Variants in LRBA observed in about 807,000 individuals in gnomAD.
LRBA encodes the protein lipopolysaccharide-responsive and beige-like anchor protein.
Under a neutral mutation model 330.0 loss-of-function variants are expected in LRBA, and 176 were observed. The ratio of observed to expected loss-of-function variants is 0.53; its 90% CI spans 0.47 to 0.60. The LOEUF is 0.60. Among genes scored for constraint, LRBA ranks in the 20% least tolerant of loss-of-function variants. The probability of loss-of-function intolerance (pLI) is 0.00; values close to 1 mark genes in which losing one functional copy is unlikely to be tolerated. For missense variants in LRBA, 3,259 were observed against 3,444.8 expected, an observed-to-expected ratio of 0.95 and a Z score of 1.35; for synonymous variants, 1,230 against 1,193.0, an observed-to-expected ratio of 1.03 and a Z score of -0.64.
intron 40 of LRBA, chr4:150,580,763 G>T (rs1274071885): frequency 6.6e-6 from 1 of 151,986 alleles, no homozygotes; most frequent in Non-Finnish European, 1.5e-5. Context: ...AGTATGGAAA[G>T]GCTACAGTGG....
intron 47 of LRBA, among the ~76,000 whole-genome samples, chr4:150,395,122 C>T (rs762639996): frequency 9.2e-5 from 14 of 152,006 alleles, no homozygotes; most frequent in Non-Finnish European, 2.1e-4. Context: ...CAATTATATG[C>T]TAATATTATC....
intron 17 of LRBA, among the ~76,000 whole-genome samples, chr4:150,890,750 T>A (rs72719674): frequency 1.1e-3 from 167 of 152,296 alleles, no homozygotes; most frequent in Non-Finnish European, 1.7e-3. Flanking sequence ...ACAAGGACAA[T>A]GAAGTTATTC....
chr4:150,469,367 T>C (rs1755826296), intron 43 of LRBA, among the ~76,000 whole-genome samples: 1 of 152,154 alleles, frequency 6.6e-6, no homozygotes, highest in African/African-American at 2.4e-5. Context: ...ATAGATTCTA[T>C]ATTTATAAAA....
intron 40 of LRBA, among the ~76,000 whole-genome samples, chr4:150,573,444 T>C (rs1357982275): frequency 1.3e-5 from 2 of 152,128 alleles, no homozygotes; most frequent in Non-Finnish European, 2.9e-5. Flanking sequence ...ATTGCACTAA[T>C]TAGGGACTTT....
At chr4:150,279,824 G>A (rs1444688865) in intron 55 of LRBA, among the ~76,000 whole-genome samples, 1 of 152,126 alleles carries the variant, frequency 6.6e-6, no homozygotes, top group Non-Finnish European at 1.5e-5. Flanking sequence ...CAATCTCTAG[G>A]GGTGTCTGGG....
Position 150,806,407 on chromosome 4 carries a change from A to G in LRBA, c.5385-3T>C. On this transcript the variant is annotated splice_polypyrimidine_tract_variant and splice_region_variant and intron_variant, in intron 32 of 56. Coordinates refer to ENST00000651943, the MANE Select transcript of LRBA (RefSeq NM_001364905.1). ...CGTGTTCAAGCCTCTCTGTAATACTAAGGAAAAGACATTAAGTTACTTGAA... is the reference window on the plus strand; with the variant it reads ...CGTGTTCAAGCCTCTCTGTAATACTGAGGAAAAGACATTAAGTTACTTGAA... 1.9e-6 allele frequency: 3 copies of G among 1,582,998 alleles called. No homozygotes were observed. The highest frequency in any genetic ancestry group is 2.6e-6 in the Non-Finnish European group (3 of 1,168,156).
intron 9 of LRBA, among the ~76,000 whole-genome samples, chr4:150,910,668 C>T (rs1252190584): frequency 1.3e-5 from 2 of 152,094 alleles, no homozygotes; most frequent in African/African-American, 2.4e-5. Context: ...TGAGATTCCA[C>T]ATTAATTTTA....
chr4:150,498,457 T>C (rs1034261760), intron 40 of LRBA, among the ~76,000 whole-genome samples: 1 of 152,196 alleles, frequency 6.6e-6, no homozygotes, highest in Non-Finnish European at 1.5e-5. Flanking sequence ...TCATTTTTAA[T>C]TCAGTTTTTA....
At chr4:150,333,448 C>A (rs60459852) in intron 48 of LRBA, among the ~76,000 whole-genome samples, 29,829 of 152,084 alleles carry the variant, frequency 0.2, 3,129 homozygotes, top group East Asian at 0.26. Context: ...AAAACTTTCT[C>A]ACATTACCAA....
intron 36 of LRBA, among the ~76,000 whole-genome samples, chr4:150,706,650 TAAAC>T (rs1329515828): frequency 2.7e-5 from 4 of 150,682 alleles, no homozygotes; most frequent in Non-Finnish European, 5.9e-5. Context: ...CCATCATAAC[TAAAC>T]AAACAAACAA....
chr4:150,434,272 A>T (rs562296695), intron 46 of LRBA, among the ~76,000 whole-genome samples: 1 of 151,370 alleles, frequency 6.6e-6, no homozygotes, highest in South Asian at 2.1e-4. Flanking sequence ...GACACCATTT[A>T]AAAAAAAATA....
chr4:150,705,854 C>A (rs560773643), intron 36 of LRBA, among the ~76,000 whole-genome samples: 1 of 151,888 alleles, frequency 6.6e-6, no homozygotes, highest in Admixed American at 6.6e-5. Flanking sequence ...AGTAGGGAAA[C>A]ACTGAAACAC....
At chr4:150,979,188 A>G (rs1471544730) in intron 2 of LRBA, among the ~76,000 whole-genome samples, 2 of 152,238 alleles carry the variant, frequency 1.3e-5, no homozygotes, top group African/African-American at 4.8e-5. Context: ...TACATCCGGC[A>G]GCTGACTTTT....
chr4:150,421,797 G>T (rs1270606880), intron 46 of LRBA, among the ~76,000 whole-genome samples: 1 of 152,152 alleles, frequency 6.6e-6, no homozygotes, highest in African/African-American at 2.4e-5. Context: ...CTTGGTGTCT[G>T]TGTCCAGCAG....
At chr4:150,621,289 T>C (rs912483635) in intron 37 of LRBA, among the ~76,000 whole-genome samples, 4 of 152,208 alleles carry the variant, frequency 2.6e-5, no homozygotes, top group African/African-American at 9.6e-5. Flanking sequence ...AAGCTAATTT[T>C]TTTAACTTTT....
intron 36 of LRBA, among the ~76,000 whole-genome samples, chr4:150,717,260 T>C (rs920654350): frequency 5.3e-5 from 8 of 152,204 alleles, no homozygotes; most frequent in African/African-American, 1.7e-4. Context: ...CAAGTGGTAC[T>C]ATAGAAGTGT....
At chr4:150,950,785 C>T (rs935544707) in intron 2 of LRBA, among the ~76,000 whole-genome samples, 1 of 152,112 alleles carries the variant, frequency 6.6e-6, no homozygotes, top group Non-Finnish European at 1.5e-5. Flanking sequence ...GGAATTCTGA[C>T]AAGAAAGTCT....
chr4:150,931,871 T>C (rs988886879), intron 2 of LRBA, among the ~76,000 whole-genome samples: 1 of 152,202 alleles, frequency 6.6e-6, no homozygotes, highest in African/African-American at 2.4e-5. Flanking sequence ...AAGATTTAAA[T>C]GTAAAACTGA....
At chr4:150,495,201 T>C (rs1322663303) in intron 40 of LRBA, among the ~76,000 whole-genome samples, 2 of 152,178 alleles carry the variant, frequency 1.3e-5, no homozygotes, top group East Asian at 3.9e-4. Context: ...ACTATCCTTG[T>C]TTTTAGGATT....
Sources: gnomAD v4.1 joint callset for allele counts (sites outside exome capture counted in the v4.1 genomes callset) on GRCh38, gnomAD v4.1.1 for gene constraint, MANE v1.5 for transcripts, NCBI Gene and HGNC (gene_info 2026-07-23, HGNC 2026-07-21) for gene names.